The following TNFSF4 variants were observed in gnomAD, a reference collection of about 807,000 sequenced individuals.
TNFSF4 encodes the protein tumor necrosis factor ligand superfamily member 4.
A neutral mutation model predicts 7.3 loss-of-function variants in TNFSF4; 4 were observed. The observed-to-expected ratio is 0.55, with a 90% CI of 0.27 to 1.25. The LOEUF (loss-of-function observed/expected upper bound fraction) is 1.25, where lower values mean the gene tolerates loss of function less well. Among genes scored for constraint, TNFSF4 ranks in the 50% most tolerant of loss-of-function variants. The pLI is 0.12. For synonymous variants in TNFSF4, 76 were observed against 83.7 expected (o/e 0.91, Z 0.50); for missense variants, 181 against 208.8 (o/e 0.87, Z 0.82).
the TNFSF4 span, among the ~76,000 whole-genome samples, chr1:173,375,353 C>T: frequency 1.3e-5 from 2 of 152,148 alleles, no homozygotes; most frequent in East Asian, 3.9e-4. Context: ...CCCTATCCAG[C>T]AGGAAGTAGC....
At chr1:173,320,284 C>A in the TNFSF4 span, among the ~76,000 whole-genome samples, 1 of 152,134 alleles carries the variant, frequency 6.6e-6, no homozygotes, top group Admixed American at 6.5e-5. Context: ...ATTCAACATC[C>A]CTTCATGCTA....
intron 1 of TNFSF4, among the ~76,000 whole-genome samples, chr1:173,193,768 CA>C (rs34461114): frequency 0.14 from 13,983 of 101,816 alleles, 671 homozygotes; most frequent in Admixed American, 0.21. Flanking sequence ...ATAAGTGAAG[CA>C]AAAAAAAAAA....
the TNFSF4 span, among the ~76,000 whole-genome samples, chr1:173,387,415 C>T: frequency 6.6e-6 from 1 of 152,210 alleles, no homozygotes; most frequent in East Asian, 1.9e-4. Context: ...GAGCAGCCCT[C>T]ACCAGACACT....
chr1:173,212,566 G>T, the TNFSF4 span, among the ~76,000 whole-genome samples: 7 of 150,868 alleles, frequency 4.6e-5, no homozygotes, highest in African/African-American at 1.7e-4. Context: ...AGGTGGGGAT[G>T]GTTAGTGGGT....
the TNFSF4 span, among the ~76,000 whole-genome samples, chr1:173,245,976 C>CAATA: frequency 6.6e-6 from 1 of 151,834 alleles, no homozygotes; most frequent in Non-Finnish European, 1.5e-5. Flanking sequence ...TTTTTTTTAC[C>CAATA]CATTCATCCA....
rs1461484118 is a variant in TNFSF4 at position 173,186,111 on chromosome 1, A to T, written c.*405T>A. 6.1e-6 allele frequency: 1 copy of T among 165,260 alleles called. No individual in the cohort carries two copies. The highest frequency in any genetic ancestry group is 1.3e-5 in the Non-Finnish European group (1 of 75,818). 10.2% of individuals were successfully genotyped at this position (165,260 alleles called of 1,614,324 possible). On this transcript the variant is annotated 3_prime_UTR_variant, in exon 3 of 3. Transcript: ENST00000281834. ...TCACTCCTTGCTCCTCTTCATTTTGATAATGCCACACACATGTCAAATTTC... is the reference window on the plus strand; with the variant it reads ...TCACTCCTTGCTCCTCTTCATTTTGTTAATGCCACACACATGTCAAATTTC...
chr1:173,416,638 T>TATTTATTTATTTTTTGA, the TNFSF4 span, among the ~76,000 whole-genome samples: 1 of 110,084 alleles, frequency 9.1e-6, no homozygotes, highest in African/African-American at 3.3e-5. Flanking sequence ...ATTTATTTTT[T>TATTTATTTATTTTTTGA]GAGAGAGAGA....
At chr1:173,335,585 G>A in the TNFSF4 span, among the ~76,000 whole-genome samples, 1 of 152,062 alleles carries the variant, frequency 6.6e-6, no homozygotes, top group Non-Finnish European at 1.5e-5. Context: ...TGAAATAGAT[G>A]GGAAACATAC....
chr1:173,229,301 T>C, the TNFSF4 span, among the ~76,000 whole-genome samples: 3 of 152,212 alleles, frequency 2.0e-5, no homozygotes, highest in Non-Finnish European at 4.4e-5. Flanking sequence ...GAAAGGAATT[T>C]TCAACCCAGA....
the TNFSF4 span, among the ~76,000 whole-genome samples, chr1:173,276,121 T>C: frequency 1.3e-5 from 2 of 152,042 alleles, no homozygotes; most frequent in Non-Finnish European, 2.9e-5. Flanking sequence ...ACATCATACC[T>C]AAGAATGAAA....
chr1:173,228,904 A>C, the TNFSF4 span, among the ~76,000 whole-genome samples: 1 of 152,244 alleles, frequency 6.6e-6, no homozygotes, highest in Non-Finnish European at 1.5e-5. Context: ...GAAATGAACA[A>C]GGACTCCAAG....
At chr1:173,404,130 C>T in the TNFSF4 span, among the ~76,000 whole-genome samples, 9 of 152,154 alleles carry the variant, frequency 5.9e-5, no homozygotes, top group African/African-American at 1.2e-4. Context: ...TGTCTATTGA[C>T]GCTCCATTGC....
At chr1:173,279,072 T>C in the TNFSF4 span, among the ~76,000 whole-genome samples, 1 of 152,116 alleles carries the variant, frequency 6.6e-6, no homozygotes, top group Non-Finnish European at 1.5e-5. Flanking sequence ...ACTGACTCAA[T>C]TACTACTAAG....
chr1:173,241,478 A>G, the TNFSF4 span, among the ~76,000 whole-genome samples: 5 of 152,204 alleles, frequency 3.3e-5, no homozygotes, highest in South Asian at 4.1e-4. Flanking sequence ...GAAAGTAAGC[A>G]TGTGTTCTGA....
chr1:173,317,144 G>T, the TNFSF4 span, among the ~76,000 whole-genome samples: 2 of 152,180 alleles, frequency 1.3e-5, no homozygotes, highest in Non-Finnish European at 2.9e-5. Flanking sequence ...TGAGACCACT[G>T]TGCTGGAGAA....
At chr1:173,180,312 C>T (rs1335312814), downstream of TNFSF4, among the ~76,000 whole-genome samples, 2 of 152,178 alleles carry the variant, frequency 1.3e-5, no homozygotes, top group Non-Finnish European at 2.9e-5. Flanking sequence ...ATTCATACCA[C>T]TCACTATATT....
intron 1 of TNFSF4, among the ~76,000 whole-genome samples, chr1:173,189,383 G>A (rs532769278): frequency 2.0e-5 from 3 of 152,234 alleles, no homozygotes; most frequent in African/African-American, 7.2e-5. Context: ...AGGAGTAAAA[G>A]CATCCTATTT....
the TNFSF4 span, among the ~76,000 whole-genome samples, chr1:173,406,007 A>G: frequency 1.3e-5 from 2 of 152,162 alleles, no homozygotes; most frequent in African/African-American, 2.4e-5. Flanking sequence ...TTTGATCTCG[A>G]CCCACTTCTC....
chr1:173,414,719 G>A, the TNFSF4 span, among the ~76,000 whole-genome samples: 2 of 152,200 alleles, frequency 1.3e-5, no homozygotes, highest in Admixed American at 6.5e-5. Context: ...GCCCTGGAGC[G>A]AGGGGATGGA....
Sources: gnomAD v4.1 joint callset for allele counts (sites outside exome capture counted in the v4.1 genomes callset) on GRCh38, gnomAD v4.1.1 for gene constraint, MANE v1.5 for transcripts, NCBI Gene and HGNC (gene_info 2026-07-23, HGNC 2026-07-21) for gene names.